FOXK1: variants seen among roughly 807,000 people sequenced by gnomAD.
FOXK1 encodes forkhead box K1.
In FOXK1, 19 loss-of-function variants were observed where a neutral mutation model predicts 51.9. The ratio of observed to expected loss-of-function variants is 0.37; its 90% CI spans 0.26 to 0.54. The LOEUF (loss-of-function observed/expected upper bound fraction) is 0.54, where lower values mean the gene tolerates loss of function less well. FOXK1 is among the 20% of genes least tolerant of loss of function. FOXK1 has a pLI of 0.87. For missense variants in FOXK1, 870 were observed against 1,032.7 expected (o/e 0.84, Z 2.16); for synonymous variants, 537 against 482.6 (o/e 1.11, Z -1.48).
rs1425062362 is a variant in FOXK1 at position 4,711,467 on chromosome 7, CT to C, written c.560+28602del. Reference sequence around the variant, plus strand: ...AGATCTGGAGTTAAGGAAGATGTGACTTTCTCAGTGGCCCTCAGACGTCTTG... The same window carrying C: ...AGATCTGGAGTTAAGGAAGATGTGACTTCTCAGTGGCCCTCAGACGTCTTG... On this transcript the variant is annotated intron_variant, in intron 1 of 8. Coordinates refer to ENST00000328914, the MANE Select transcript of FOXK1 (RefSeq NM_001037165.2). The surrounding 1 kb of genome is among the most constrained non-coding windows in gnomAD (Gnocchi z 6.3). 1.3e-5 allele frequency among the ~76,000 whole-genome samples: 2 copies of C among 151,956 alleles called. No individual in the cohort carries two copies. Among genetic ancestry groups the C allele is most frequent in the African/African-American group, 4.8e-5 (2 of 41,404 alleles).
In FOXK1 at chr7:4,734,019, C is replaced by G. The variant is rs1259317000; in HGVS notation, c.561-6819C>G. 6.7e-6 allele frequency among the ~76,000 whole-genome samples: 1 copy of G among 149,480 alleles called. No individual in the cohort carries two copies. Among genetic ancestry groups the G allele is most frequent in the Non-Finnish European group, 1.5e-5 (1 of 68,028 alleles). ...CCACGTGCCGTGGGTGAAGCTTCACCTGGCGCAGGGAAGGCCATCAGACTT... is the reference window on the plus strand; with the variant it reads ...CCACGTGCCGTGGGTGAAGCTTCACGTGGCGCAGGGAAGGCCATCAGACTT... On this transcript the variant is annotated intron_variant, in intron 1 of 8. Coordinates refer to ENST00000328914, the MANE Select transcript of FOXK1 (RefSeq NM_001037165.2). This position sits in a 1 kb window ranked among gnomAD's most constrained non-coding sequence, Gnocchi z 5.2.
At chr7:4,744,851 G>T (rs947366470) in intron 2 of FOXK1, among the ~76,000 whole-genome samples, 12 of 152,270 alleles carry the variant, frequency 7.9e-5, no homozygotes, top group African/African-American at 2.9e-4. Flanking sequence ...GGAGAATTCT[G>T]TGCGGAGAAA....
chr7:4,749,145 T>C lies in FOXK1; in HGVS notation c.747-5314T>C, dbSNP rs908911101. 6.6e-6 allele frequency among the ~76,000 whole-genome samples: 1 copy of C among 152,228 alleles called. No individual in the cohort carries two copies. Among genetic ancestry groups the C allele is most frequent in the African/African-American group, 2.4e-5 (1 of 41,458 alleles). Reference sequence around the variant, plus strand: ...GTATTTCTCTTCTTTTGAATTCTTATTTTTTAATTTGAAGAGCGTGTTCTT... The same window carrying C: ...GTATTTCTCTTCTTTTGAATTCTTACTTTTTAATTTGAAGAGCGTGTTCTT... On this transcript the variant is annotated intron_variant, in intron 2 of 8. Coordinates refer to ENST00000328914, the MANE Select transcript of FOXK1 (RefSeq NM_001037165.2). The surrounding 1 kb of genome is among the most constrained non-coding windows in gnomAD (Gnocchi z 6.0).
At chr7:4,708,050 G>A (rs773338541) in intron 1 of FOXK1, among the ~76,000 whole-genome samples, 26 of 151,702 alleles carry the variant, frequency 1.7e-4, no homozygotes, top group Non-Finnish European at 3.1e-4. Flanking sequence ...CTGGGGTACC[G>A]CCTAGTAACT....
In FOXK1 at chr7:4,758,214, A is replaced by C. The variant is rs1780880220; in HGVS notation, c.1245-837A>C. The C allele has an allele frequency of 6.6e-6, 1 of 152,258 alleles. No homozygotes were observed. Among genetic ancestry groups the C allele is most frequent in the African/African-American group, 2.4e-5 (1 of 41,462 alleles). The allele number at this position is 152,258 out of a possible 1,614,324, so 9.4% of individuals were successfully genotyped here. A position where few individuals can be genotyped will look rare whatever the true frequency, so the allele number is the denominator to read the frequency against. On this transcript the variant is annotated intron_variant, in intron 5 of 8. Coordinates refer to ENST00000328914, the MANE Select transcript of FOXK1 (RefSeq NM_001037165.2). This position sits in a 1 kb window ranked among gnomAD's most constrained non-coding sequence, Gnocchi z 4.4. The stretch of plus-strand genomic sequence containing the variant: ...CCTTTGCTTTTCGCAGATGCTGGGA[A>C]CGCAGCTCTGCTGCCGGCGGGGTGG...
intron 1 of FOXK1, among the ~76,000 whole-genome samples, chr7:4,702,847 C>G (rs1199871966): frequency 6.6e-6 from 1 of 152,220 alleles, no homozygotes; most frequent in Non-Finnish European, 1.5e-5. Context: ...CCTCCCCTGC[C>G]TTCCTCTTCT....
At position 4,759,375 on chromosome 7, in the gene FOXK1, C is replaced by T. The variant is rs1780900455; in HGVS notation, c.1476C>T (p.Ala492=). 1 of 1,602,514 alleles carries T rather than the reference C, an allele frequency of 6.2e-7. No homozygotes were observed. The highest frequency in any genetic ancestry group is 8.5e-7 in the Non-Finnish European group (1 of 1,179,254). The stretch of plus-strand genomic sequence containing the variant: ...CTCCCCGACCGTCCAGCCTCGTGGC[C>T]AAGCCCGTGGCCTACATGCCCGCCT... ...AVPPRPSSLV[A]KPVAYMPASI... is the part of the protein sequence containing the mutation. Residue 492 remains alanine, a synonymous_variant, in exon 7 of 9, where the codon GCC becomes GCT. Coordinates refer to ENST00000328914, the MANE Select transcript of FOXK1 (RefSeq NM_001037165.2).
intron 1 of FOXK1, among the ~76,000 whole-genome samples, chr7:4,686,241 G>T (rs1284502207): frequency 2.6e-5 from 4 of 152,064 alleles, no homozygotes; most frequent in Non-Finnish European, 5.9e-5. Flanking sequence ...TTGGTGGGAG[G>T]TCTATGTTGT....
In FOXK1 at chr7:4,765,261, G is replaced by A. The variant is rs73671904; in HGVS notation, c.*2797G>A. Reference sequence around the variant, plus strand: ...TCATGCCGGAACTTGTCTTGGAACCGGTAGCCAGAGGCCCAGGAAGGGACA... The same window carrying A: ...TCATGCCGGAACTTGTCTTGGAACCAGTAGCCAGAGGCCCAGGAAGGGACA... On this transcript the variant is annotated 3_prime_UTR_variant, in exon 9 of 9. Coordinates refer to ENST00000328914, the MANE Select transcript of FOXK1 (RefSeq NM_001037165.2). 6,738 of 152,374 alleles carry A rather than the reference G, an allele frequency of 0.044. 452 individuals are homozygous for A. The highest frequency in any genetic ancestry group is 0.15 in the African/African-American group (6,029 of 41,530). The allele number at this position is 152,374 out of a possible 1,614,324, so 9.4% of individuals were successfully genotyped here. A position where few individuals can be genotyped will look rare whatever the true frequency, so the allele number is the denominator to read the frequency against.
In FOXK1 at chr7:4,723,260, C is replaced by G. The variant is rs1425482299; in HGVS notation, c.561-17578C>G. 1.3e-5 allele frequency among the ~76,000 whole-genome samples: 2 copies of G among 152,018 alleles called. No individual in the cohort carries two copies. Among genetic ancestry groups the G allele is most frequent in the Non-Finnish European group, 2.9e-5 (2 of 68,012 alleles). ...CCGGCTCAGCACCGAGCAAGTGGGC[C>G]TGGACCCTGAAGGATGTGGCTGCTG... On this transcript the variant is annotated intron_variant, in intron 1 of 8. Coordinates refer to ENST00000328914, the MANE Select transcript of FOXK1 (RefSeq NM_001037165.2). This position sits in a 1 kb window ranked among gnomAD's most constrained non-coding sequence, Gnocchi z 4.7.
rs1562373230 is a variant in FOXK1 at position 4,706,036 on chromosome 7, G to GTATATACGTA, written c.560+23177_560+23178insATATATACGT. 1.2e-3 allele frequency among the ~76,000 whole-genome samples: 155 copies of GTATATACGTA among 125,570 alleles called. 9 individuals are homozygous for GTATATACGTA. Among genetic ancestry groups the GTATATACGTA allele is most frequent in the African/African-American group, 4.0e-3 (93 of 23,536 alleles). The allele number at this position is 125,570 out of a possible 152,430, so 82.4% of individuals were successfully genotyped here. A position where few individuals can be genotyped will look rare whatever the true frequency, so the allele number is the denominator to read the frequency against. ...TACGTATATATACGTGTATATACGT[G>GTATATACGTA]TATATACGTGTATATATGTATATAT... On this transcript the variant is annotated intron_variant, in intron 1 of 8. Transcript: ENST00000328914.
chr7:4,684,842 G>C (rs951128257), intron 1 of FOXK1, among the ~76,000 whole-genome samples: 1 of 151,068 alleles, frequency 6.6e-6, no homozygotes, highest in African/African-American at 2.4e-5. Flanking sequence ...TTTTTTTTTT[G>C]TAATTCAAGG....
At position 4,707,808 on chromosome 7, in the gene FOXK1, C is replaced by G. The variant is rs1013968452; in HGVS notation, c.560+24940C>G. 5.9e-5 allele frequency among the ~76,000 whole-genome samples: 9 copies of G among 152,068 alleles called. No individual in the cohort carries two copies. Among genetic ancestry groups the G allele is most frequent in the African/African-American group, 2.2e-4 (9 of 41,400 alleles). On this transcript the variant is annotated intron_variant, in intron 1 of 8. Transcript: ENST00000328914. This position sits in a 1 kb window ranked among gnomAD's most constrained non-coding sequence, Gnocchi z 4.1. ...CAAGCAATTCTCCTACCTCAGCCCC[C>G]CAAGTAGCTGGGATGATAGGGCCCG...
chr7:4,754,941 A>G, intron 3 of FOXK1: 1 of 562,966 alleles, frequency 1.8e-6, no homozygotes, highest in Admixed American at 3.2e-5. Flanking sequence ...TCTCCTTATA[A>G]CTTTGTCTTA....
At position 4,766,435 on chromosome 7, in the gene FOXK1, C is replaced by A. The variant is rs1325940596; in HGVS notation, c.*3971C>A. The A allele has an allele frequency of 6.6e-6, 1 of 152,222 alleles. No individual in the cohort carries two copies. Among genetic ancestry groups the A allele is most frequent in the Admixed American group, 6.5e-5 (1 of 15,278 alleles). The allele number at this position is 152,222 out of a possible 1,614,324, so 9.4% of individuals were successfully genotyped here. On this transcript the variant is annotated 3_prime_UTR_variant, in exon 9 of 9. Coordinates refer to ENST00000328914, the MANE Select transcript of FOXK1 (RefSeq NM_001037165.2). The surrounding 1 kb of genome is among the most constrained non-coding windows in gnomAD (Gnocchi z 5.5). ...CGGGTGGAGCCATGTGTGTCTCACACCTGCCGCCCCTCACTTTCCTTCCCG... is the reference window on the plus strand; with the variant it reads ...CGGGTGGAGCCATGTGTGTCTCACAACTGCCGCCCCTCACTTTCCTTCCCG...
At chr7:4,696,278 C>T (rs897988152) in intron 1 of FOXK1, among the ~76,000 whole-genome samples, 31 of 152,106 alleles carry the variant, frequency 2.0e-4, no homozygotes, top group African/African-American at 7.5e-4. Context: ...GAGGGACAAG[C>T]TTGCTGATGT....
rs898514171 is a variant in FOXK1, at chr7:4,735,846, C to G, written c.561-4992C>G. ...GTAACTGGCAAACTCCCTGAGCATG[C>G]TGGGGAAACATCTATTTAAAAATCA... is the stretch of plus-strand genomic sequence containing the variant. On this transcript the variant is annotated intron_variant, in intron 1 of 8. Transcript: ENST00000328914. The surrounding 1 kb of genome is among the most constrained non-coding windows in gnomAD (Gnocchi z 4.7). Among the ~76,000 whole-genome samples the G allele has an allele frequency of 1.3e-5, 2 of 152,162 alleles. No individual in the cohort carries two copies. The highest frequency in any genetic ancestry group is 2.9e-5 in the Non-Finnish European group (2 of 68,040).
At chr7:4,757,717 A>G (rs1780874983) in intron 5 of FOXK1, among the ~76,000 whole-genome samples, 1 of 151,222 alleles carries the variant, frequency 6.6e-6, no homozygotes, top group Non-Finnish European at 1.5e-5. Context: ...TAGCAGGTAC[A>G]TTTGTTAGGG....
At chr7:4,699,157 T>A (rs915833414) in intron 1 of FOXK1, among the ~76,000 whole-genome samples, 1 of 152,190 alleles carries the variant, frequency 6.6e-6, no homozygotes, top group Non-Finnish European at 1.5e-5. Context: ...TTGACATTTT[T>A]AAAAACAGGC....
Sources: allele counts gnomAD v4.1 joint callset (sites outside exome capture counted in the v4.1 genomes callset), GRCh38; gene constraint gnomAD v4.1.1; non-coding constraint Gnocchi (gnomAD v3.1); transcripts MANE v1.5; gene names NCBI Gene and HGNC (gene_info 2026-07-23, HGNC 2026-07-21).